PRKAR1B: variants seen among roughly 807,000 people sequenced by gnomAD.
The protein encoded by PRKAR1B is cAMP-dependent protein kinase type I-beta regulatory subunit.
PRKAR1B carries 22 observed loss-of-function variants against 46.5 expected under a neutral mutation model. That is an observed-to-expected ratio of 0.47 (90% confidence interval 0.34 to 0.68). PRKAR1B has a LOEUF of 0.68. Among genes scored for constraint, PRKAR1B ranks in the 30% least tolerant of loss-of-function variants. The pLI is 0.01. For missense variants in PRKAR1B, 445 were observed against 535.6 expected, an observed-to-expected ratio of 0.83 and a Z score of 1.67; for synonymous variants, 259 against 217.7, an observed-to-expected ratio of 1.19 and a Z score of -1.67.
intron 8 of PRKAR1B, among the ~76,000 whole-genome samples, chr7:583,535 T>A (rs577545051): frequency 0.039 from 4,249 of 108,012 alleles, 206 homozygotes; most frequent in Non-Finnish European, 0.054. Flanking sequence ...ACACACCCAC[T>A]CACACACGTG....
In PRKAR1B at chr7:575,106, G is replaced by T. The variant is rs1050171824; in HGVS notation, c.891+4150C>A. On this transcript the variant is annotated intron_variant, in intron 9 of 10. Coordinates refer to ENST00000537384, the MANE Select transcript of PRKAR1B (RefSeq NM_001164760.2). ...CCACAATTTGTTGTTACCCTTCACA[G>T]TTCGGGGGTTGGAGGGGCTCAGCCG... is the stretch of plus-strand genomic sequence containing the variant. Among the ~76,000 whole-genome samples the T allele has an allele frequency of 8.5e-5, 13 of 152,242 alleles. 1 individual carries two copies. The highest frequency in any genetic ancestry group is 3.3e-4 in the Admixed American group (5 of 15,290).
At chr7:709,066 C>G (rs1780477148) in intron 2 of PRKAR1B, among the ~76,000 whole-genome samples, 1 of 122,334 alleles carries the variant, frequency 8.2e-6, no homozygotes, top group Non-Finnish European at 1.6e-5. Context: ...GCTGGGATTA[C>G]AGGTGTGAGC....
At chr7:721,269 G>T (rs1781061500) in intron 1 of PRKAR1B, among the ~76,000 whole-genome samples, 1 of 152,232 alleles carries the variant, frequency 6.6e-6, no homozygotes, top group Non-Finnish European at 1.5e-5. Context: ...CTCATGAGGT[G>T]AAAGATGGTC....
At chr7:636,464 T>TCCTCCACCGGCCGC (rs1349390564) in intron 4 of PRKAR1B, among the ~76,000 whole-genome samples, 2 of 149,734 alleles carry the variant, frequency 1.3e-5, no homozygotes, top group Non-Finnish European at 3.0e-5. Context: ...CACCGGACTG[T>TCCTCCACCGGCCGC]GCCCACTGTG....
At chr7:655,360 T>C (rs1385266625) in intron 4 of PRKAR1B, among the ~76,000 whole-genome samples, 1 of 152,208 alleles carries the variant, frequency 6.6e-6, no homozygotes. Flanking sequence ...CAACCAGGCA[T>C]GCCCCTGACC....
intron 4 of PRKAR1B, among the ~76,000 whole-genome samples, chr7:675,782 C>T (rs1413795242): frequency 6.6e-6 from 1 of 152,080 alleles, no homozygotes; most frequent in Non-Finnish European, 1.5e-5. Flanking sequence ...CCCATCTCTA[C>T]TAAAAATGCA....
rs1479935133 is a variant in PRKAR1B, at chr7:602,391, A to G, written c.549+3802T>C. ...GGATTCTGCGAGGATGAGGAGGAGG[A>G]GGAGGAGGTCCCGCCAAGGTCAGCC... On this transcript the variant is annotated intron_variant, in intron 6 of 10. Transcript: ENST00000537384. The surrounding 1 kb of genome is among the most constrained non-coding windows in gnomAD (Gnocchi z 6.4). Among the ~76,000 whole-genome samples the G allele has an allele frequency of 1.3e-5, 2 of 152,048 alleles. No individual in the cohort carries two copies. The highest frequency in any genetic ancestry group is 2.9e-5 in the Non-Finnish European group (2 of 67,988).
chr7:633,126 C>T (rs150246133), intron 4 of PRKAR1B, among the ~76,000 whole-genome samples: 51 of 152,370 alleles, frequency 3.3e-4, no homozygotes, highest in East Asian at 9.6e-4. Context: ...AAACCCTTCA[C>T]GCTGTCAAAA....
At chr7:573,989 C>G (rs758759466) in intron 9 of PRKAR1B, among the ~76,000 whole-genome samples, 3 of 152,238 alleles carry the variant, frequency 2.0e-5, no homozygotes, top group Non-Finnish European at 4.4e-5. Flanking sequence ...GGCACATACT[C>G]AACACTCAGA....
rs567622113 is a variant in PRKAR1B, at chr7:663,616, G to C, written c.440+13613C>G. The stretch of plus-strand genomic sequence containing the variant: ...AGGGGAGGGGACGGCTGTGTCCCAG[G>C]GTCCTGGCCCTACACAGACCGTGGT... On this transcript the variant is annotated intron_variant, in intron 4 of 10. Transcript: ENST00000537384. Among the ~76,000 whole-genome samples the C allele has an allele frequency of 1.6e-3, 240 of 152,224 alleles. 3 individuals are homozygous for C. The highest frequency in any genetic ancestry group is 5.6e-3 in the African/African-American group (233 of 41,534).
intron 2 of PRKAR1B, among the ~76,000 whole-genome samples, chr7:694,313 A>G (rs1003836680): frequency 3.9e-5 from 6 of 151,984 alleles, no homozygotes; most frequent in Non-Finnish European, 7.4e-5. Flanking sequence ...TGAGACCCGG[A>G]CTTGGGAATG....
chr7:615,968 CAGAAAG>C (rs1403928938), intron 4 of PRKAR1B, among the ~76,000 whole-genome samples: 2 of 148,028 alleles, frequency 1.4e-5, no homozygotes, highest in African/African-American at 5.0e-5. Context: ...AAAAAAGAAA[CAGAAAG>C]AGAGAAAGAG....
At chr7:625,600 T>C (rs1389763225) in intron 4 of PRKAR1B, among the ~76,000 whole-genome samples, 1 of 152,082 alleles carries the variant, frequency 6.6e-6, no homozygotes, top group Non-Finnish European at 1.5e-5. Flanking sequence ...ACAGGTCCTA[T>C]GGACAAGGGG....
intron 2 of PRKAR1B, among the ~76,000 whole-genome samples, chr7:681,323 TAA>T (rs1159377371): frequency 3.0e-4 from 34 of 114,186 alleles, no homozygotes; most frequent in Admixed American, 3.7e-4. Flanking sequence ...CCTGTCTCTA[TAA>T]AAAAAAAAAA....
chr7:683,546 GTCTCCCC>G (rs919309666), intron 2 of PRKAR1B, among the ~76,000 whole-genome samples: 4 of 152,196 alleles, frequency 2.6e-5, no homozygotes, highest in African/African-American at 9.7e-5. Flanking sequence ...ACAAATGACT[GTCTCCCC>G]AGCCTGTTAA....
chr7:691,904 T>G, intron 2 of PRKAR1B: 1 of 1,091,646 alleles, frequency 9.2e-7, no homozygotes, highest in Non-Finnish European at 1.1e-6. Flanking sequence ...GACGCCTCCC[T>G]GGAGCTGCGA....
chr7:646,235 G>A (rs974792949), intron 4 of PRKAR1B, among the ~76,000 whole-genome samples: 1 of 152,148 alleles, frequency 6.6e-6, no homozygotes, highest in Admixed American at 6.5e-5. Context: ...GTAGAGACAG[G>A]GTCTTCCTAT....
chr7:722,995 G>C (rs1024198621), intron 1 of PRKAR1B, among the ~76,000 whole-genome samples: 1 of 152,144 alleles, frequency 6.6e-6, no homozygotes, highest in Admixed American at 6.5e-5. Flanking sequence ...TGGCTCTCCT[G>C]GGACTGCTGC....
intron 4 of PRKAR1B, among the ~76,000 whole-genome samples, chr7:620,017 C>CTTTTTTTTTTTTTTTTTTTTTTTTTT (rs71016891): frequency 7.6e-6 from 1 of 131,026 alleles, no homozygotes; most frequent in South Asian, 2.6e-4. Flanking sequence ...TACCCAGCTA[C>CTTTTTTTTTTTTTTTTTTTTTTTTTT]TTTTTTTTTT....
Sources: gnomAD v4.1 joint callset for allele counts (sites outside exome capture counted in the v4.1 genomes callset) on GRCh38, gnomAD v4.1.1 for gene constraint, Gnocchi (gnomAD v3.1) non-coding constraint, MANE v1.5 for transcripts, NCBI Gene and HGNC (gene_info 2026-07-23, HGNC 2026-07-21) for gene names.